Variants in NCAM2 observed in about 807,000 individuals in gnomAD.
NCAM2 encodes N-CAM-2.
Under a neutral mutation model 98.1 loss-of-function variants are expected in NCAM2, and 30 were observed. The ratio of observed to expected loss-of-function variants is 0.31; its 90% CI spans 0.23 to 0.41. NCAM2 has a LOEUF of 0.41. NCAM2 is among the 10% of genes least tolerant of loss of function. The probability of loss-of-function intolerance (pLI) is 1.00; values close to 1 mark genes in which losing one functional copy is unlikely to be tolerated. For missense variants in NCAM2, 867 were observed against 1,005.8 expected (o/e 0.86, Z 1.87); for synonymous variants, 368 against 342.4 (o/e 1.07, Z -0.83).
chr21:21,176,856 C>A, intron 1 of NCAM2, among the ~76,000 whole-genome samples: 1 of 150,986 alleles, frequency 6.6e-6, no homozygotes, highest in Non-Finnish European at 1.5e-5. Context: ...GATTATAGAA[C>A]TGTTTGTTGA....
chr21:21,321,171 C>T (rs552135599), intron 5 of NCAM2, among the ~76,000 whole-genome samples: 2 of 152,196 alleles, frequency 1.3e-5, no homozygotes, highest in Admixed American at 6.5e-5. Context: ...TTAGTGATAA[C>T]GAGCATTTTT....
At chr21:21,468,384 G>T (rs1010124919) in intron 13 of NCAM2, among the ~76,000 whole-genome samples, 1 of 151,900 alleles carries the variant, frequency 6.6e-6, no homozygotes, top group African/African-American at 2.4e-5. Flanking sequence ...TTACATTTGT[G>T]CAATGCTATA....
At chr21:21,239,026 G>A (rs1322546324) in intron 1 of NCAM2, among the ~76,000 whole-genome samples, 1 of 151,898 alleles carries the variant, frequency 6.6e-6, no homozygotes, top group African/African-American at 2.4e-5. Flanking sequence ...ATTTCAAAAC[G>A]TTGTCAGCAT....
At chr21:21,314,438 A>T (rs1276888108) in intron 5 of NCAM2, among the ~76,000 whole-genome samples, 1 of 152,030 alleles carries the variant, frequency 6.6e-6, no homozygotes, top group Non-Finnish European at 1.5e-5. Context: ...TAGAAGTTTG[A>T]TTATGATGTG....
chr21:21,005,689 T>C (rs984766655), intron 1 of NCAM2, among the ~76,000 whole-genome samples: 1 of 152,072 alleles, frequency 6.6e-6, no homozygotes, highest in Non-Finnish European at 1.5e-5. Context: ...AGTATGTAGG[T>C]AAAATTTGTT....
intron 8 of NCAM2, among the ~76,000 whole-genome samples, chr21:21,342,110 A>G (rs770552447): frequency 1.3e-5 from 2 of 152,196 alleles, no homozygotes; most frequent in Non-Finnish European, 2.9e-5. Flanking sequence ...CTCCCCATGG[A>G]ATAAATGATT....
chr21:21,166,688 T>A (rs2067963168), intron 1 of NCAM2, among the ~76,000 whole-genome samples: 1 of 152,188 alleles, frequency 6.6e-6, no homozygotes, highest in Non-Finnish European at 1.5e-5. Flanking sequence ...TTGCTAGAGT[T>A]CCACCCAGTC....
At chr21:21,065,034 G>A (rs895968835) in intron 1 of NCAM2, among the ~76,000 whole-genome samples, 4 of 151,926 alleles carry the variant, frequency 2.6e-5, no homozygotes, top group African/African-American at 9.7e-5. Flanking sequence ...ACAAAAATTA[G>A]CCAGGCCTGA....
intron 1 of NCAM2, among the ~76,000 whole-genome samples, chr21:21,091,830 A>T (rs546645183): frequency 6.6e-6 from 1 of 152,296 alleles, no homozygotes; most frequent in South Asian, 2.1e-4. Flanking sequence ...AATATTAGAA[A>T]ATAGTTTTTT....
intron 12 of NCAM2, among the ~76,000 whole-genome samples, chr21:21,439,820 C>T (rs1187753081): frequency 6.6e-6 from 1 of 152,196 alleles, no homozygotes; most frequent in Non-Finnish European, 1.5e-5. Flanking sequence ...GAAAACTACT[C>T]TTGCATCCTA....
intron 1 of NCAM2, among the ~76,000 whole-genome samples, chr21:21,217,469 T>C (rs2069951716): frequency 1.3e-5 from 2 of 152,040 alleles, no homozygotes; most frequent in Non-Finnish European, 1.5e-5. Flanking sequence ...GTTGCAGAAG[T>C]GAAAGTTTGA....
Position 21,382,515 on chromosome 21 carries a change from GGAT to G in NCAM2, c.1195+8503_1195+8505del, listed in dbSNP as rs768175463. Among the ~76,000 whole-genome samples, 126 of 142,360 alleles carry G rather than the reference GGAT, an allele frequency of 8.9e-4. 3 individuals are homozygous for G. The highest frequency in any genetic ancestry group is 3.5e-3 in the Middle Eastern group (1 of 286). 93.4% of individuals were successfully genotyped at this position (142,360 alleles called of 152,430 possible). A position where few individuals can be genotyped will look rare whatever the true frequency, so the allele number is the denominator to read the frequency against. On this transcript the variant is annotated intron_variant, in intron 9 of 17. Transcript: ENST00000400546. Reference sequence around the variant, plus strand: ...AGTGAAAGTTTTTGTTTTATTTCAGGGATTTTTTTTTTTTTTTTGAGATGGAGT... The same window carrying G: ...AGTGAAAGTTTTTGTTTTATTTCAGGTTTTTTTTTTTTTTTGAGATGGAGT...
intron 16 of NCAM2, among the ~76,000 whole-genome samples, chr21:21,523,447 G>A (rs377592021): frequency 2.0e-5 from 3 of 150,918 alleles, no homozygotes; most frequent in South Asian, 2.1e-4. Flanking sequence ...TTATTGAAGA[G>A]GCTGTCCTTT....
intron 9 of NCAM2, among the ~76,000 whole-genome samples, chr21:21,395,450 G>T (rs1348186014): frequency 1.3e-5 from 2 of 152,108 alleles, no homozygotes; most frequent in African/African-American, 4.8e-5. Context: ...ACTGCCAAAA[G>T]CAGTCTACAA....
At chr21:21,309,974 G>A (rs2073995199) in intron 5 of NCAM2, among the ~76,000 whole-genome samples, 1 of 152,112 alleles carries the variant, frequency 6.6e-6, no homozygotes. Context: ...TTGGGTATAC[G>A]TTTCTGCATC....
At chr21:21,104,233 C>T (rs979506249) in intron 1 of NCAM2, among the ~76,000 whole-genome samples, 3 of 151,988 alleles carry the variant, frequency 2.0e-5, no homozygotes, top group Admixed American at 6.6e-5. Context: ...TCCTCCTCAC[C>T]GTAGAGACGT....
At chr21:21,355,762 C>T (rs1183425998) in intron 8 of NCAM2, among the ~76,000 whole-genome samples, 2 of 151,622 alleles carry the variant, frequency 1.3e-5, no homozygotes, top group Admixed American at 6.6e-5. Flanking sequence ...ACTACAGGCG[C>T]GTGCCACCAC....
At chr21:21,052,150 A>ATTTTTTTTTTTTTTTTTTTTTTTTTT (rs5842877) in intron 1 of NCAM2, among the ~76,000 whole-genome samples, 2 of 74,792 alleles carry the variant, frequency 2.7e-5, no homozygotes, top group African/African-American at 1.2e-4. Context: ...CATGATGGCC[A>ATTTTTTTTTTTTTTTTTTTTTTTTTT]TTTTTTTTTT....
intron 5 of NCAM2, among the ~76,000 whole-genome samples, chr21:21,312,885 A>C (rs2074100346): frequency 6.6e-6 from 1 of 151,802 alleles, no homozygotes; most frequent in Non-Finnish European, 1.5e-5. Context: ...TCTTTAAATA[A>C]ATGTATTTTT....
Sources: gnomAD v4.1 joint callset for allele counts (sites outside exome capture counted in the v4.1 genomes callset) on GRCh38, gnomAD v4.1.1 for gene constraint, MANE v1.5 for transcripts, NCBI Gene and HGNC (gene_info 2026-07-23, HGNC 2026-07-21) for gene names.